The following APP variants were observed in gnomAD, a reference collection of about 807,000 sequenced individuals.
The protein encoded by APP is amyloid-beta precursor protein.
In APP, 31 loss-of-function variants were observed where a neutral mutation model predicts 101.4. The observed-to-expected ratio is 0.31, with a 90% CI of 0.23 to 0.41. The LOEUF is 0.41. Ranked by LOEUF, APP falls within the 10% of genes least tolerant of loss-of-function variation. APP has a pLI of 1.00. For missense variants in APP, 839 were observed against 1,003.7 expected (o/e 0.84, Z 2.22); for synonymous variants, 366 against 364.4 (o/e 1.00, Z -0.05).
At chr21:26,053,497 T>C in intron 3 of APP, 149 bp from the exon 4 acceptor site, 1 of 637,310 alleles carries the variant, frequency 1.6e-6, no homozygotes, top group Non-Finnish European at 2.9e-6. Flanking sequence ...ACCTTTAGAA[T>C]GTTACGTCTG....
intron 14 of APP, among the ~76,000 whole-genome samples, chr21:25,910,532 A>G (rs1372407471): frequency 2.6e-5 from 4 of 152,228 alleles, no homozygotes; most frequent in Non-Finnish European, 5.9e-5. Flanking sequence ...TGTTATTTGT[A>G]TCTAGAAATC....
intron 16 of APP, among the ~76,000 whole-genome samples, chr21:25,893,110 T>C (rs959075006): frequency 6.6e-6 from 1 of 152,214 alleles, no homozygotes; most frequent in African/African-American, 2.4e-5. Flanking sequence ...TTTGGTGATC[T>C]GTGATCAGTG....
At chr21:25,905,704 G>A (rs569182733) in intron 14 of APP, among the ~76,000 whole-genome samples, 6 of 152,166 alleles carry the variant, frequency 3.9e-5, no homozygotes, top group East Asian at 1.9e-4. Context: ...CAGCTGAAAC[G>A]TGTGAAATGA....
chr21:26,041,491 T>C (rs896828278), intron 5 of APP, among the ~76,000 whole-genome samples: 1 of 152,218 alleles, frequency 6.6e-6, no homozygotes, highest in African/African-American at 2.4e-5. Flanking sequence ...AAAGAGTCCA[T>C]GCATCAGTAG....
At chr21:26,059,864 C>A (rs938510266) in intron 3 of APP, among the ~76,000 whole-genome samples, 1 of 124,510 alleles carries the variant, frequency 8.0e-6, no homozygotes, top group East Asian at 2.6e-4. Flanking sequence ...GCAGTCCAGA[C>A]TGAGCGAAAG....
chr21:25,990,467 G>T (rs1006808618), intron 8 of APP, among the ~76,000 whole-genome samples: 5 of 151,274 alleles, frequency 3.3e-5, no homozygotes, highest in African/African-American at 1.2e-4. Context: ...GTCCAGAATG[G>T]GTTAACCTTA....
intron 1 of APP, among the ~76,000 whole-genome samples, chr21:26,121,059 G>C: frequency 6.6e-6 from 1 of 152,110 alleles, no homozygotes; most frequent in East Asian, 1.9e-4. Flanking sequence ...ATGGAATTCT[G>C]GCATGTTGGG....
At chr21:25,909,001 T>C (rs531205774) in intron 14 of APP, among the ~76,000 whole-genome samples, 1 of 152,204 alleles carries the variant, frequency 6.6e-6, no homozygotes, top group South Asian at 2.1e-4. Context: ...CCGTGGCTCA[T>C]GCCTGTAATC....
chr21:26,028,853 A>C (rs936395119), intron 5 of APP, among the ~76,000 whole-genome samples: 5 of 152,170 alleles, frequency 3.3e-5, no homozygotes, highest in Non-Finnish European at 7.3e-5. Context: ...ATTATGGAAA[A>C]GTACTATAGG....
intron 1 of APP, among the ~76,000 whole-genome samples, chr21:26,132,278 A>G (rs2062812598): frequency 6.6e-6 from 1 of 152,110 alleles, no homozygotes; most frequent in Non-Finnish European, 1.5e-5. Flanking sequence ...CACTAAAAAT[A>G]ACTAAATTTA....
At chr21:26,054,458 C>T (rs571416446) in intron 3 of APP, among the ~76,000 whole-genome samples, 2 of 152,066 alleles carry the variant, frequency 1.3e-5, no homozygotes, top group East Asian at 3.9e-4. Flanking sequence ...GAGTAAAGAA[C>T]CAGCAAGGCA....
rs2042169372 is a variant in APP, at chr21:25,974,946, C to T, written c.1458+124G>A. ...AAGATGGAATGGACAGGGGTTGAAC[C>T]TCTGAATAACAGTGCTCAAGGCATT... On this transcript the variant is annotated intron_variant, in intron 11 of 17. Coordinates refer to ENST00000346798, the MANE Select transcript of APP (RefSeq NM_000484.4). 3.5e-6 allele frequency: 5 copies of T among 1,421,084 alleles called. No individual in the cohort carries two copies. The Admixed American group carries it at 7.8e-5, about 22-fold the overall frequency. 88.0% of individuals were successfully genotyped at this position (1,421,084 alleles called of 1,614,324 possible).
intron 7 of APP, 82 bp downstream of exon 7, chr21:25,999,933 A>C (rs972125333): frequency 1.3e-6 from 2 of 1,503,332 alleles, no homozygotes; most frequent in African/African-American, 2.8e-5. Flanking sequence ...CCCAAGAACC[A>C]GGAAAATCAA....
In APP at chr21:26,058,941, C is replaced by T. The variant is rs530613008; in HGVS notation, c.356-5593G>A. On this transcript the variant is annotated intron_variant, in intron 3 of 17. Transcript: ENST00000346798. ...CTAAAAATACAAAAAATTAGCCGGG[C>T]GTGGTAGCGGGCGCCTGTAGTCCCA... is the stretch of plus-strand genomic sequence containing the variant. Among the ~76,000 whole-genome samples the T allele has an allele frequency of 5.8e-3, 884 of 151,770 alleles. 3 individuals carry two copies. The highest frequency in any genetic ancestry group is 0.019 in the South Asian group (89 of 4,778).
At chr21:25,927,427 G>A (rs899636079) in intron 13 of APP, among the ~76,000 whole-genome samples, 1 of 152,106 alleles carries the variant, frequency 6.6e-6, no homozygotes, top group Non-Finnish European at 1.5e-5. Flanking sequence ...TGTATGACGC[G>A]GCCACATTTT....
intron 15 of APP, among the ~76,000 whole-genome samples, chr21:25,900,474 C>T (rs892643917): frequency 4.7e-5 from 7 of 150,136 alleles, no homozygotes; most frequent in Middle Eastern, 3.3e-3. Context: ...GCATAAGAAT[C>T]GCTTGAACCC....
chr21:26,021,978 C>A lies in APP; in HGVS notation c.727G>T (p.Asp243Tyr), dbSNP rs750279232. The change falls in exon 6 of 18, where the codon GAT becomes TAT. Residue 243 changes from aspartate (D) to tyrosine (Y), a missense_variant. Transcript: ENST00000346798. ...CCATCCTCATCGTCCTCGTCATCAT[C>A]GGCTTCTTCTTCTTCCACCTCAGCC... The part of the protein sequence containing the change: ...EVAEVEEEEA[D>Y]DDEDDEDGDE... The A allele has an allele frequency of 6.2e-7, 1 of 1,613,894 alleles. No individual in the cohort carries two copies. The highest frequency in any genetic ancestry group is 8.5e-7 in the Non-Finnish European group (1 of 1,179,932).
chr21:26,052,718 T>TA (rs1279250931), intron 4 of APP, among the ~76,000 whole-genome samples: 2 of 152,176 alleles, frequency 1.3e-5, no homozygotes, highest in East Asian at 3.9e-4. Flanking sequence ...CAGGCTGGTA[T>TA]AAAAAAGCTA....
chr21:25,991,335 A>T (rs1429948700), intron 8 of APP, among the ~76,000 whole-genome samples: 2 of 152,158 alleles, frequency 1.3e-5, no homozygotes, highest in South Asian at 2.1e-4. Context: ...AAATAAAAAT[A>T]AAAAAACCTG....
Sources: gnomAD v4.1 joint callset for allele counts (sites outside exome capture counted in the v4.1 genomes callset) on GRCh38, gnomAD v4.1.1 for gene constraint, MANE v1.5 for transcripts, NCBI Gene and HGNC (gene_info 2026-07-23, HGNC 2026-07-21) for gene names.